The following EZH2 variants were observed in gnomAD, a reference collection of about 807,000 sequenced individuals.
EZH2 encodes enhancer of zeste 2 polycomb repressive complex 2 subunit, also known as histone-lysine N-methyltransferase EZH2.
Under a neutral mutation model 98.4 loss-of-function variants are expected in EZH2, and 18 were observed. The ratio of observed to expected loss-of-function variants is 0.18; its 90% CI spans 0.13 to 0.27. The LOEUF is 0.27. Ranked by LOEUF, EZH2 falls within the 10% of genes least tolerant of loss-of-function variation. The probability of loss-of-function intolerance (pLI) is 1.00; values close to 1 mark genes in which losing one functional copy is unlikely to be tolerated. For synonymous variants in EZH2, 338 were observed against 312.3 expected, an observed-to-expected ratio of 1.08 and a Z score of -0.87; for missense variants, 470 against 935.1, an observed-to-expected ratio of 0.50 and a Z score of 6.49.
intron 1 of EZH2, among the ~76,000 whole-genome samples, chr7:148,858,733 T>C (rs1222732752): frequency 1.3e-5 from 2 of 152,142 alleles, no homozygotes; most frequent in African/African-American, 4.8e-5. Flanking sequence ...TGTCTCACTA[T>C]AGTGTCCAGG....
intron 1 of EZH2, among the ~76,000 whole-genome samples, chr7:148,878,797 G>C (rs1278411451): frequency 6.6e-6 from 1 of 152,128 alleles, no homozygotes; most frequent in Non-Finnish European, 1.5e-5. Context: ...TACTTGGGAG[G>C]CTGAGATGGA....
At chr7:148,843,905 A>T (rs369084152) in intron 3 of EZH2, among the ~76,000 whole-genome samples, 61 of 152,262 alleles carry the variant, frequency 4.0e-4, no homozygotes, top group East Asian at 3.3e-3. Flanking sequence ...AAATGGGAGT[A>T]TAAGTTTAAG....
At chr7:148,865,660 G>A (rs761782303) in intron 1 of EZH2, among the ~76,000 whole-genome samples, 1 of 152,178 alleles carries the variant, frequency 6.6e-6, no homozygotes, top group African/African-American at 2.4e-5. Context: ...CTGGTTTGTG[G>A]TAAGGCATCT....
intron 1 of EZH2, among the ~76,000 whole-genome samples, chr7:148,870,741 C>A (rs1409738260): frequency 6.7e-6 from 1 of 150,096 alleles, no homozygotes; most frequent in African/African-American, 2.4e-5. Context: ...ACCAGCCAGG[C>A]CAACATGGTG....
chr7:148,822,797 CCAGG>C, intron 8 of EZH2, among the ~76,000 whole-genome samples: 2 of 152,046 alleles, frequency 1.3e-5, no homozygotes, highest in East Asian at 1.9e-4. Context: ...AAAATATGAG[CCAGG>C]TGAGGTGGTG....
At position 148,884,264 on chromosome 7, in the gene EZH2, T is replaced by TCGGACGCGACCGGACCGAGCGC; in HGVS notation, c.-130_-109dup. 1 of 180,954 alleles carries TCGGACGCGACCGGACCGAGCGC rather than the reference T, an allele frequency of 5.5e-6. No individual in the cohort carries two copies. Among genetic ancestry groups the TCGGACGCGACCGGACCGAGCGC allele is most frequent in the Non-Finnish European group, 1.2e-5 (1 of 84,978 alleles). The allele number at this position is 180,954 out of a possible 1,614,324, so 11.2% of individuals were successfully genotyped here. A position where few individuals can be genotyped will look rare whatever the true frequency, so the allele number is the denominator to read the frequency against. On this transcript the variant is annotated 5_prime_UTR_variant, in exon 1 of 20. Transcript: ENST00000320356. The stretch of plus-strand genomic sequence containing the variant: ...ACTGCCTTCTGAGTCCCACCGGGTG[T>TCGGACGCGACCGGACCGAGCGC]CGGACGCGACCGGACCGAGCGCCAA...
At chr7:148,809,026 T>G in intron 19 of EZH2, 45 bp downstream of exon 19, 2 of 1,502,696 alleles carry the variant, frequency 1.3e-6, no homozygotes, top group Non-Finnish European at 1.9e-6. Flanking sequence ...CACAATCCAG[T>G]AGAAAAAGCC....
At chr7:148,817,091 A>C (rs1322114806) in intron 11 of EZH2, 131 bp downstream of exon 11, 3 of 833,556 alleles carry the variant, frequency 3.6e-6, no homozygotes, top group Non-Finnish European at 5.2e-6. Context: ...TCTTGGGAAG[A>C]AAAAAAAATT....
chr7:148,816,323 C>T (rs543735687), intron 12 of EZH2, among the ~76,000 whole-genome samples: 28 of 152,312 alleles, frequency 1.8e-4, no homozygotes, highest in African/African-American at 5.5e-4. Flanking sequence ...ATAAAAGATA[C>T]TTCTAAAAAC....
At chr7:148,815,641 C>G in intron 12 of EZH2, 95 bp from the exon 13 acceptor site, 1 of 1,124,958 alleles carries the variant, frequency 8.9e-7, no homozygotes, top group Non-Finnish European at 1.4e-6. Context: ...GCCATGAATA[C>G]AGGAATGCGT....
chr7:148,817,725 A>G lies in EZH2; in HGVS notation c.1240+152T>C, dbSNP rs2129471554. 4.4e-6 allele frequency: 5 copies of G among 1,135,586 alleles called. No homozygotes were observed. The East Asian group carries it at 9.4e-5, about 21-fold the overall frequency. 70.3% of individuals were successfully genotyped at this position (1,135,586 alleles called of 1,614,324 possible). A position where few individuals can be genotyped will look rare whatever the true frequency, so the allele number is the denominator to read the frequency against. On this transcript the variant is annotated intron_variant, in intron 10 of 19. Coordinates refer to ENST00000320356, the MANE Select transcript of EZH2 (RefSeq NM_004456.5). ...TAGGGTACGGGTGCAGGCAGGAAAC[A>G]GAAACAACACAGCTACACATTCTTG...
intron 8 of EZH2, among the ~76,000 whole-genome samples, chr7:148,820,093 G>C (rs961207364): frequency 6.6e-6 from 1 of 152,038 alleles, no homozygotes; most frequent in Non-Finnish European, 1.5e-5. Flanking sequence ...TCTAAAGAAA[G>C]GTCAGCAATC....
chr7:148,808,103 G>A (rs987905219), intron 19 of EZH2, among the ~76,000 whole-genome samples: 2 of 152,196 alleles, frequency 1.3e-5, no homozygotes, highest in African/African-American at 2.4e-5. Flanking sequence ...ATAGCAAAGA[G>A]GGCCAAAGAG....
intron 3 of EZH2, chr7:148,836,750 G>C (rs1811027778): frequency 2.3e-6 from 1 of 439,394 alleles, no homozygotes; most frequent in African/African-American, 2.0e-5. Context: ...TCATTACCAA[G>C]GATGCTACAT....
At position 148,811,682 on chromosome 7, in the gene EZH2, C is replaced by T. The variant is rs137930774; in HGVS notation, c.1890G>A (p.Gly630=). The change falls in exon 16 of 20, where the codon GGG becomes GGA. Residue 630 remains glycine, a synonymous_variant. Coordinates refer to ENST00000320356, the MANE Select transcript of EZH2 (RefSeq NM_004456.5). The part of the protein sequence containing the change: ...LLAPSDVAGW[G]IFIKDPVQKN... The stretch of plus-strand genomic sequence containing the variant: ...TCTGCACAGGATCTTTGATAAAAAT[C>T]CCCCAGCCTGCCACGTCAGATGGTG... The T allele has an allele frequency of 1.9e-6, 3 of 1,613,158 alleles. No individual in the cohort carries two copies. Among genetic ancestry groups the T allele is most frequent in the African/African-American group, 2.7e-5 (2 of 74,918 alleles).
chr7:148,814,799 AG>A, intron 14 of EZH2, 114 bp downstream of exon 14: 1 of 1,248,848 alleles, frequency 8.0e-7, no homozygotes. Flanking sequence ...CAAATTGATG[AG>A]TTTCGTCAAG....
At chr7:148,810,959 T>C (rs1802890949) in intron 16 of EZH2, among the ~76,000 whole-genome samples, 2 of 150,770 alleles carry the variant, frequency 1.3e-5, no homozygotes, top group South Asian at 4.2e-4. Flanking sequence ...GCTAGGCCTA[T>C]GATTTTTCGG....
At position 148,819,616 on chromosome 7, in the gene EZH2, G is replaced by A; in HGVS notation, c.979C>T (p.Pro327Ser). The A allele has an allele frequency of 6.2e-7, 1 of 1,614,018 alleles. No homozygotes were observed. Among genetic ancestry groups the A allele is most frequent in the Non-Finnish European group, 8.5e-7 (1 of 1,179,906 alleles). The change falls in exon 9 of 20, where the codon CCA becomes TCA. Residue 327 changes from proline to serine, a missense_variant. Around this residue, in one of 6 missense-constraint regions of EZH2, gnomAD observed 192 missense variants for 306.8 expected, o/e 0.63. Transcript: ENST00000320356. ...CTTACCAAATGCTGGTAACACTGTG[G>A]TCCACAAGGTTTGTTGTCTAGAGCT... Reference protein sequence around the residue: ...ETALDNKPCGPQCYQHLEGAK... With the variant: ...ETALDNKPCGSQCYQHLEGAK...
At chr7:148,846,193 G>A (rs948182326) in intron 3 of EZH2, among the ~76,000 whole-genome samples, 7 of 151,992 alleles carry the variant, frequency 4.6e-5, no homozygotes, top group African/African-American at 1.7e-4. Flanking sequence ...ACATTAAAGA[G>A]TATTTGATTT....
Sources: gnomAD v4.1 joint callset for allele counts (sites outside exome capture counted in the v4.1 genomes callset) on GRCh38, gnomAD v4.1.1 for gene constraint, gnomAD v4.1.1 regional missense constraint, MANE v1.5 for transcripts, NCBI Gene and HGNC (gene_info 2026-07-23, HGNC 2026-07-21) for gene names.